GBP7: variants seen among roughly 807,000 people sequenced by gnomAD.
The protein encoded by GBP7 is guanylate-binding protein 7.
In GBP7, 43 loss-of-function variants were observed where a neutral mutation model predicts 61.3. The observed-to-expected ratio is 0.70, with a 90% CI of 0.55 to 0.91. The LOEUF is 0.91. GBP7 is among the 40% of genes least tolerant of loss of function. The pLI is 0.00. For missense variants in GBP7, 717 were observed against 740.5 expected, an observed-to-expected ratio of 0.97 and a Z score of 0.37; for synonymous variants, 267 against 271.0, an observed-to-expected ratio of 0.99 and a Z score of 0.14.
chr1:89,160,726 TCTTTC>T (rs1349655899), intron 3 of GBP7, among the ~76,000 whole-genome samples: 5 of 152,288 alleles, frequency 3.3e-5, no homozygotes. Flanking sequence ...AAGGCTTATT[TCTTTC>T]CTTTCCAAAT....
intron 1 of GBP7, among the ~76,000 whole-genome samples, chr1:89,174,628 C>T (rs768538432): frequency 6.6e-6 from 1 of 152,146 alleles, no homozygotes; most frequent in Non-Finnish European, 1.5e-5. Context: ...CTTGCAAGCC[C>T]CTCTGTGGGC....
Position 89,132,394 on chromosome 1 carries a change from C to T in GBP7, c.1672G>A (p.Glu558Lys), listed in dbSNP as rs1467740474. ...MLSHKMKVLE[E>K]LLTEGFKEIF... is the part of the protein sequence containing the mutation. ...TCTTTAAATCCTTCAGTAAGCAGTT[C>T]TTCTAGGACCTATAAAAGTAAAAGA... The change falls in exon 11 of 11, where the codon GAA becomes AAA. Residue 558 changes from glutamate (E) to lysine (K), a missense_variant. Glu to Lys is a moderately conservative substitution (Grantham distance 56). This residue lies in a region of GBP7 where 312 missense variants were observed against 310.1 expected (regional missense o/e 1.01). Transcript: ENST00000294671. 2 of 1,589,434 alleles carry T rather than the reference C, an allele frequency of 1.3e-6. No homozygotes were observed. The highest frequency in any genetic ancestry group is 1.7e-6 in the Non-Finnish European group (2 of 1,172,478).
chr1:89,133,508 C>T, intron 9 of GBP7, 57 bp from the exon 10 acceptor site: 12 of 1,442,776 alleles, frequency 8.3e-6, no homozygotes, highest in Non-Finnish European at 1.2e-5. Context: ...GGAGAAGAAC[C>T]ATCATGGCTA....
chr1:89,137,490 G>C (rs1045775288), intron 9 of GBP7, among the ~76,000 whole-genome samples: 39 of 152,126 alleles, frequency 2.6e-4, no homozygotes, highest in Admixed American at 1.6e-3. Context: ...GGAATGCAAG[G>C]TTGATTCAGC....
chr1:89,154,707 A>G (rs1266577664), intron 3 of GBP7, among the ~76,000 whole-genome samples: 10 of 151,410 alleles, frequency 6.6e-5, no homozygotes, highest in Non-Finnish European at 1.2e-4. Flanking sequence ...CCCAAACTAA[A>G]TAAAATAAAA....
At chr1:89,147,542 A>G in intron 8 of GBP7, 25 bp downstream of exon 8, 1 of 1,566,452 alleles carries the variant, frequency 6.4e-7, no homozygotes, top group Non-Finnish European at 8.8e-7. Flanking sequence ...TCTGTCATCC[A>G]TCCCCTTCTC....
At chr1:89,152,228 C>T (rs763650493) in intron 5 of GBP7, 40 bp downstream of exon 5, 43 of 1,581,222 alleles carry the variant, frequency 2.7e-5, no homozygotes, top group Middle Eastern at 1.7e-4. Flanking sequence ...TGATCCCACC[C>T]GCTACTGAAC....
At chr1:89,156,047 A>C (rs59432832) in intron 3 of GBP7, among the ~76,000 whole-genome samples, 2,449 of 152,340 alleles carry the variant, frequency 0.016, 55 homozygotes, top group African/African-American at 0.055. Context: ...AGTGGGGGCC[A>C]ATATTCAACA....
At chr1:89,156,965 C>T (rs1032736815) in intron 3 of GBP7, among the ~76,000 whole-genome samples, 7 of 152,274 alleles carry the variant, frequency 4.6e-5, no homozygotes, top group African/African-American at 1.4e-4. Context: ...TAAAGCACTC[C>T]TCAGCAAATG....
chr1:89,139,969 G>A (rs1681894291), intron 9 of GBP7, among the ~76,000 whole-genome samples: 1 of 152,054 alleles, frequency 6.6e-6, no homozygotes, highest in Admixed American at 6.5e-5. Flanking sequence ...TATAAATCAT[G>A]CTGCTATAAA....
intron 2 of GBP7, among the ~76,000 whole-genome samples, chr1:89,167,311 A>T (rs1647471553): frequency 6.6e-6 from 1 of 152,110 alleles, no homozygotes. Context: ...TCTTATTTGG[A>T]TAAGGTCACC....
intron 8 of GBP7, among the ~76,000 whole-genome samples, chr1:89,145,245 C>T (rs1363927967): frequency 1.3e-5 from 2 of 152,134 alleles, no homozygotes; most frequent in Non-Finnish European, 2.9e-5. Flanking sequence ...GCCACTGTGC[C>T]TAGCTGACTT....
chr1:89,149,526 T>C lies in GBP7; in HGVS notation c.918A>G (p.Gly306=). Residue 306 remains glycine, a synonymous_variant, in exon 7 of 11, where the codon GGA becomes GGG. Coordinates refer to ENST00000294671, the MANE Select transcript of GBP7 (RefSeq NM_207398.3). ...VETYLDAINS[G]ATPCLENAMA... is the part of the protein sequence containing the mutation. Reference sequence around the variant, plus strand: ...TTGCATTCTCCAGACAAGGAGTCGCTCCACTGTTGATGGCATCCAGGTAGG... The same window carrying C: ...TTGCATTCTCCAGACAAGGAGTCGCCCCACTGTTGATGGCATCCAGGTAGG... 1.2e-6 allele frequency: 2 copies of C among 1,614,172 alleles called. No individual in the cohort carries two copies. The highest frequency in any genetic ancestry group is 1.7e-6 in the Non-Finnish European group (2 of 1,180,008).
At chr1:89,150,663 A>C in intron 5 of GBP7, 88 bp from the exon 6 acceptor site, 1 of 1,320,474 alleles carries the variant, frequency 7.6e-7, no homozygotes. Flanking sequence ...TCCATCAATC[A>C]CTACAGTCTC....
chr1:89,173,131 AT>A (rs1331326354), intron 1 of GBP7, among the ~76,000 whole-genome samples: 4 of 152,048 alleles, frequency 2.6e-5, no homozygotes, highest in African/African-American at 9.7e-5. Context: ...TCTAGAAAAA[AT>A]ATCTGTATTT....
chr1:89,152,232 A>G (rs750222339), intron 5 of GBP7, 36 bp downstream of exon 5: 26 of 1,594,248 alleles, frequency 1.6e-5, no homozygotes, highest in Non-Finnish European at 2.1e-5. Flanking sequence ...CCCACCCGCT[A>G]CTGAACCTTC....
intron 3 of GBP7, among the ~76,000 whole-genome samples, chr1:89,158,227 A>G (rs1244571002): frequency 6.6e-6 from 1 of 152,224 alleles, no homozygotes; most frequent in Non-Finnish European, 1.5e-5. Flanking sequence ...AATAAGAGCT[A>G]TTTATGACAA....
intron 3 of GBP7, among the ~76,000 whole-genome samples, chr1:89,153,730 A>C (rs1236984062): frequency 6.6e-6 from 1 of 152,226 alleles, no homozygotes; most frequent in African/African-American, 2.4e-5. Flanking sequence ...AATGTAAAAA[A>C]CAAAACAGAC....
intron 7 of GBP7, among the ~76,000 whole-genome samples, chr1:89,148,807 C>G (rs1403550939): frequency 6.6e-6 from 1 of 152,098 alleles, no homozygotes; most frequent in Non-Finnish European, 1.5e-5. Flanking sequence ...CACACTCAGT[C>G]AGGCAAGTGC....
Sources: allele counts gnomAD v4.1 joint callset (sites outside exome capture counted in the v4.1 genomes callset), GRCh38; gene constraint gnomAD v4.1.1; regional missense constraint gnomAD v4.1.1; transcripts MANE v1.5; gene names NCBI Gene and HGNC (gene_info 2026-07-23, HGNC 2026-07-21).